The following SLC14A2 variants were observed in gnomAD, a reference collection of about 807,000 sequenced individuals.
SLC14A2 encodes urea transporter 2.
Under a neutral mutation model 104.6 loss-of-function variants are expected in SLC14A2, and 91 were observed. The ratio of observed to expected loss-of-function variants is 0.87; its 90% CI spans 0.73 to 1.04. SLC14A2 has a LOEUF of 1.04. Among genes scored for constraint, SLC14A2 ranks in the 50% least tolerant of loss-of-function variants. The pLI is 0.00. For synonymous variants in SLC14A2, 476 were observed against 466.4 expected, an observed-to-expected ratio of 1.02 and a Z score of -0.27; for missense variants, 1,189 against 1,156.0, an observed-to-expected ratio of 1.03 and a Z score of -0.41.
At chr18:45,305,646 A>C (rs1425046857) in intron 1 of SLC14A2, among the ~76,000 whole-genome samples, 1 of 152,216 alleles carries the variant, frequency 6.6e-6, no homozygotes, top group Non-Finnish European at 1.5e-5. Context: ...ATCTCTGCCT[A>C]AGTCACTAGC....
intron 1 of SLC14A2, among the ~76,000 whole-genome samples, chr18:45,463,648 G>A (rs181593686): frequency 2.6e-5 from 4 of 152,284 alleles, no homozygotes; most frequent in South Asian, 4.1e-4. Context: ...TTTCTGGCTG[G>A]GGTTTTCCCA....
intron 1 of SLC14A2, among the ~76,000 whole-genome samples, chr18:45,464,841 C>T (rs1035961787): frequency 4.6e-5 from 7 of 152,288 alleles, no homozygotes; most frequent in South Asian, 2.1e-4. Flanking sequence ...AGTTTCTGGG[C>T]CCAATGCCAA....
At chr18:45,465,332 A>G (rs1315509363) in intron 1 of SLC14A2, among the ~76,000 whole-genome samples, 1 of 152,196 alleles carries the variant, frequency 6.6e-6, no homozygotes, top group East Asian at 1.9e-4. Context: ...AAACAGCTCC[A>G]TTTCCTCATG....
the SLC14A2 span, among the ~76,000 whole-genome samples, chr18:45,204,333 C>T: frequency 6.6e-6 from 1 of 152,132 alleles, no homozygotes; most frequent in Non-Finnish European, 1.5e-5. Flanking sequence ...TACTGAATGG[C>T]CGTTAAATGG....
At chr18:45,593,486 C>CTTTTTTTTT (rs1172271684) in intron 2 of SLC14A2, among the ~76,000 whole-genome samples, 4 of 88,790 alleles carry the variant, frequency 4.5e-5, no homozygotes, top group African/African-American at 1.4e-4. Context: ...TTTCCTTAAT[C>CTTTTTTTTT]TTTTTTTTTT....
intron 2 of SLC14A2, among the ~76,000 whole-genome samples, chr18:45,564,156 G>A (rs187863294): frequency 6.6e-6 from 1 of 152,242 alleles, no homozygotes; most frequent in East Asian, 1.9e-4. Flanking sequence ...CAAGATGAAT[G>A]GTGCATATAT....
intron 1 of SLC14A2, among the ~76,000 whole-genome samples, chr18:45,249,696 T>A (rs2084402565): frequency 6.6e-6 from 1 of 152,178 alleles, no homozygotes; most frequent in South Asian, 2.1e-4. Context: ...ACACTTGCAA[T>A]CCCAGCACTT....
At chr18:45,650,816 T>A (rs1402578786) in intron 10 of SLC14A2, among the ~76,000 whole-genome samples, 1 of 152,170 alleles carries the variant, frequency 6.6e-6, no homozygotes, top group South Asian at 2.1e-4. Flanking sequence ...CTCGGCTCAC[T>A]GAAACCTCCA....
intron 1 of SLC14A2, among the ~76,000 whole-genome samples, chr18:45,332,555 C>A (rs891021217): frequency 6.6e-6 from 1 of 152,192 alleles, no homozygotes; most frequent in South Asian, 2.1e-4. Flanking sequence ...AATTAAGGAC[C>A]AGGTCCTGGA....
chr18:45,464,276 C>T (rs997316859), intron 1 of SLC14A2, among the ~76,000 whole-genome samples: 2 of 152,138 alleles, frequency 1.3e-5, no homozygotes, highest in Non-Finnish European at 2.9e-5. Context: ...TCAAATTTCC[C>T]ATCTCTGAGA....
chr18:45,421,633 T>C (rs1320150838), intron 1 of SLC14A2, among the ~76,000 whole-genome samples: 3 of 152,246 alleles, frequency 2.0e-5, no homozygotes, highest in Non-Finnish European at 2.9e-5. Context: ...CTGATCTTTG[T>C]ATCCTTTTCT....
intron 1 of SLC14A2, among the ~76,000 whole-genome samples, chr18:45,270,024 G>A (rs2084634759): frequency 6.6e-6 from 1 of 152,064 alleles, no homozygotes; most frequent in Non-Finnish European, 1.5e-5. Flanking sequence ...ACATTCCCCA[G>A]ATCCTAATGT....
chr18:45,629,779 A>G (rs770996051), intron 4 of SLC14A2, among the ~76,000 whole-genome samples: 3 of 152,178 alleles, frequency 2.0e-5, no homozygotes, highest in South Asian at 2.1e-4. Flanking sequence ...AATCCTCACA[A>G]ACACCCTGAT....
intron 1 of SLC14A2, among the ~76,000 whole-genome samples, chr18:45,263,742 C>T (rs549750637): frequency 1.3e-5 from 2 of 152,284 alleles, no homozygotes; most frequent in Admixed American, 1.3e-4. Flanking sequence ...ATTGAGAGCT[C>T]CTTCAGGTTG....
intron 2 of SLC14A2, among the ~76,000 whole-genome samples, chr18:45,525,274 T>A (rs1241996965): frequency 6.6e-6 from 1 of 152,206 alleles, no homozygotes; most frequent in African/African-American, 2.4e-5. Flanking sequence ...ATCTTGCAGT[T>A]AATCATAAAA....
At chr18:45,672,850 GT>G (rs768933851) in intron 16 of SLC14A2, 49 bp from the exon 17 acceptor site, 1 of 1,559,494 alleles carries the variant, frequency 6.4e-7, no homozygotes, top group Non-Finnish European at 8.7e-7. Context: ...CCAAGGTCAA[GT>G]TGTCTCTTTT....
chr18:45,447,917 TAA>T (rs2086796150), intron 1 of SLC14A2, among the ~76,000 whole-genome samples: 1 of 152,262 alleles, frequency 6.6e-6, no homozygotes, highest in South Asian at 2.1e-4. Context: ...CATTATTTAT[TAA>T]GTGTAATTAA....
chr18:45,453,973 C>T (rs1295213076), intron 1 of SLC14A2, among the ~76,000 whole-genome samples: 1 of 151,376 alleles, frequency 6.6e-6, no homozygotes, highest in Non-Finnish European at 1.5e-5. Flanking sequence ...GATTCTTCTG[C>T]CTCAGCCTCC....
chr18:45,351,202 C>T (rs971915969), intron 1 of SLC14A2, among the ~76,000 whole-genome samples: 2 of 152,050 alleles, frequency 1.3e-5, no homozygotes, highest in Non-Finnish European at 2.9e-5. Flanking sequence ...GGAAAGGGAC[C>T]TTATATGAGG....
Sources: allele counts gnomAD v4.1 joint callset (sites outside exome capture counted in the v4.1 genomes callset), GRCh38; gene constraint gnomAD v4.1.1; transcripts MANE v1.5; gene names NCBI Gene and HGNC (gene_info 2026-07-23, HGNC 2026-07-21).